ELOVL6: variants seen among roughly 807,000 people sequenced by gnomAD.
The protein encoded by ELOVL6 is very long chain fatty acid elongase 6.
In ELOVL6, 8 loss-of-function variants were observed where a neutral mutation model predicts 31.7. The ratio of observed to expected loss-of-function variants is 0.25; its 90% CI spans 0.15 to 0.45. The LOEUF (loss-of-function observed/expected upper bound fraction) is 0.45. Ranked by LOEUF, ELOVL6 falls within the 20% of genes least tolerant of loss-of-function variation. ELOVL6 has a pLI of 1.00. For missense variants in ELOVL6, 126 were observed against 326.4 expected (o/e 0.39, Z 4.73); for synonymous variants, 101 against 117.7 (o/e 0.86, Z 0.92).
chr4:110,100,395 A>G (rs1756707838), intron 2 of ELOVL6, among the ~76,000 whole-genome samples: 1 of 152,238 alleles, frequency 6.6e-6, no homozygotes, highest in Admixed American at 6.5e-5. Flanking sequence ...TCAGCCCCCA[A>G]AAATAAAGAG....
intron 1 of ELOVL6, among the ~76,000 whole-genome samples, chr4:110,148,996 G>A (rs1176588894): frequency 6.6e-6 from 1 of 152,144 alleles, no homozygotes; most frequent in Non-Finnish European, 1.5e-5. Context: ...AAGTAGCTGG[G>A]ATTACAGGCA....
intron 2 of ELOVL6, among the ~76,000 whole-genome samples, chr4:110,061,040 G>C (rs1326374497): frequency 2.0e-5 from 3 of 152,182 alleles, no homozygotes; most frequent in Non-Finnish European, 4.4e-5. Context: ...TTTGTAAGTA[G>C]CTTCTCTAAA....
chr4:110,197,108 C>G (rs1419847447), intron 1 of ELOVL6, among the ~76,000 whole-genome samples: 1 of 152,198 alleles, frequency 6.6e-6, no homozygotes, highest in African/African-American at 2.4e-5. Context: ...ACGCGGCGGG[C>G]GGAATCCCCC....
intron 1 of ELOVL6, among the ~76,000 whole-genome samples, chr4:110,142,921 T>A (rs1758004382): frequency 6.6e-6 from 1 of 152,198 alleles, no homozygotes; most frequent in Non-Finnish European, 1.5e-5. Flanking sequence ...ATTGTTGACT[T>A]GTTGATTAGC....
chr4:110,154,201 C>A (rs558919844), intron 1 of ELOVL6, among the ~76,000 whole-genome samples: 22 of 152,212 alleles, frequency 1.4e-4, no homozygotes, highest in African/African-American at 5.1e-4. Context: ...CTCAGCCTCC[C>A]AAGTAGCTGG....
intron 2 of ELOVL6, among the ~76,000 whole-genome samples, chr4:110,072,519 T>C (rs1755520286): frequency 6.6e-6 from 1 of 152,188 alleles, no homozygotes; most frequent in African/African-American, 2.4e-5. Context: ...CATGGGAATT[T>C]ATCTGCCAGG....
intron 1 of ELOVL6, among the ~76,000 whole-genome samples, chr4:110,129,302 G>T (rs887481933): frequency 2.6e-5 from 4 of 152,266 alleles, no homozygotes; most frequent in Admixed American, 2.6e-4. Context: ...GAGAAACAGG[G>T]TGTTCCCTAG....
chr4:110,123,058 T>C (rs984537653), intron 1 of ELOVL6, among the ~76,000 whole-genome samples: 1 of 152,222 alleles, frequency 6.6e-6, no homozygotes, highest in Non-Finnish European at 1.5e-5. Context: ...ACAGATTGTA[T>C]CTTACTCAAC....
intron 1 of ELOVL6, among the ~76,000 whole-genome samples, chr4:110,187,688 C>T (rs937636131): frequency 1.4e-5 from 2 of 145,372 alleles, no homozygotes; most frequent in African/African-American, 5.1e-5. Flanking sequence ...AGGAATGAAA[C>T]TCCATCTAAA....
intron 2 of ELOVL6, among the ~76,000 whole-genome samples, chr4:110,084,086 T>C (rs868138647): frequency 7.7e-6 from 1 of 129,714 alleles, no homozygotes; most frequent in Non-Finnish European, 1.6e-5. Flanking sequence ...CTATATATGA[T>C]ATATAACATA....
At chr4:110,104,475 T>A (rs1756832434) in intron 2 of ELOVL6, among the ~76,000 whole-genome samples, 1 of 152,148 alleles carries the variant, frequency 6.6e-6, no homozygotes. Flanking sequence ...ACACAGATCA[T>A]AAGAGTTTAA....
intron 1 of ELOVL6, among the ~76,000 whole-genome samples, chr4:110,111,116 T>C (rs1232565037): frequency 6.6e-6 from 1 of 152,214 alleles, no homozygotes; most frequent in Non-Finnish European, 1.5e-5. Flanking sequence ...CAGGAAAGTA[T>C]ACCCCTCTTA....
intron 1 of ELOVL6, among the ~76,000 whole-genome samples, chr4:110,170,398 C>T (rs1047912207): frequency 2.6e-5 from 4 of 152,142 alleles, no homozygotes; most frequent in African/African-American, 9.7e-5. Context: ...TTAGCATACT[C>T]GCTAAAATTT....
At chr4:110,092,717 T>C (rs1756459079) in intron 2 of ELOVL6, among the ~76,000 whole-genome samples, 1 of 152,238 alleles carries the variant, frequency 6.6e-6, no homozygotes, top group South Asian at 2.1e-4. Context: ...TTCCAGATTA[T>C]GCAATTAGGC....
intron 2 of ELOVL6, among the ~76,000 whole-genome samples, chr4:110,096,737 T>C (rs983802137): frequency 3.3e-5 from 5 of 152,308 alleles, no homozygotes; most frequent in South Asian, 4.2e-4. Context: ...ATATATACCA[T>C]GTGCAGGTAC....
chr4:110,066,732 T>C (rs1292921163), intron 2 of ELOVL6, among the ~76,000 whole-genome samples: 1 of 151,678 alleles, frequency 6.6e-6, no homozygotes, highest in African/African-American at 2.4e-5. Flanking sequence ...CTAAACCCTT[T>C]CCACACTTGA....
At chr4:110,067,814 C>G (rs1240012982) in intron 2 of ELOVL6, among the ~76,000 whole-genome samples, 1 of 152,204 alleles carries the variant, frequency 6.6e-6, no homozygotes, top group African/African-American at 2.4e-5. Flanking sequence ...CATTAATCAA[C>G]ATACCACTTT....
chr4:110,162,363 T>C (rs1156622980), intron 1 of ELOVL6, among the ~76,000 whole-genome samples: 2 of 152,182 alleles, frequency 1.3e-5, no homozygotes, highest in Admixed American at 6.5e-5. Flanking sequence ...TTTTATTTTT[T>C]GAGACAGGGT....
intron 1 of ELOVL6, among the ~76,000 whole-genome samples, chr4:110,139,948 C>G (rs1383333543): frequency 2.0e-5 from 3 of 152,230 alleles, no homozygotes; most frequent in Non-Finnish European, 1.5e-5. Context: ...TCATTAAGCA[C>G]CATCAGGGAC....
Sources: allele counts gnomAD v4.1 joint callset (sites outside exome capture counted in the v4.1 genomes callset), GRCh38; gene constraint gnomAD v4.1.1; transcripts MANE v1.5; gene names NCBI Gene and HGNC (gene_info 2026-07-23, HGNC 2026-07-21).